PPARGC1A: variants seen among roughly 807,000 people sequenced by gnomAD.
PPARGC1A encodes the protein PPARG coactivator 1 alpha, also known as peroxisome proliferator-activated receptor gamma coactivator 1-alpha.
Under a neutral mutation model 88.7 loss-of-function variants are expected in PPARGC1A, and 25 were observed. That is an observed-to-expected ratio of 0.28 (90% confidence interval 0.21 to 0.39). PPARGC1A has a LOEUF of 0.39. Ranked by LOEUF, PPARGC1A falls within the 10% of genes least tolerant of loss-of-function variation. The pLI, the probability that PPARGC1A is intolerant of heterozygous loss-of-function variation, is 1.00. For synonymous variants in PPARGC1A, 363 were observed against 355.6 expected, an observed-to-expected ratio of 1.02 and a Z score of -0.24; for missense variants, 880 against 968.7, an observed-to-expected ratio of 0.91 and a Z score of 1.22.
the PPARGC1A span, among the ~76,000 whole-genome samples, chr4:24,367,768 T>A: frequency 6.6e-6 from 1 of 152,100 alleles, no homozygotes; most frequent in East Asian, 1.9e-4. Flanking sequence ...AGAGAAAAAA[T>A]AATAATAAGG....
intron 2 of PPARGC1A, among the ~76,000 whole-genome samples, chr4:23,834,161 G>A (rs975227865): frequency 2.8e-4 from 42 of 152,100 alleles, no homozygotes; most frequent in Non-Finnish European, 4.3e-4. Context: ...TTAGCCAGGC[G>A]TGGTGGCGGA....
At chr4:24,096,528 A>G in the PPARGC1A span, among the ~76,000 whole-genome samples, 2 of 151,840 alleles carry the variant, frequency 1.3e-5, no homozygotes, top group African/African-American at 4.8e-5. Flanking sequence ...ATTAAAAAAT[A>G]AAATAAATTT....
chr4:23,915,756 C>T, the PPARGC1A span, among the ~76,000 whole-genome samples: 1 of 152,142 alleles, frequency 6.6e-6, no homozygotes, highest in Non-Finnish European at 1.5e-5. Flanking sequence ...AAATAAATTA[C>T]ACCAGGCTAT....
the PPARGC1A span, among the ~76,000 whole-genome samples, chr4:24,315,943 G>C: frequency 3.9e-5 from 6 of 152,208 alleles, no homozygotes; most frequent in Non-Finnish European, 7.3e-5. Flanking sequence ...ATAAAGGATA[G>C]TTCCTATCCA....
the PPARGC1A span, among the ~76,000 whole-genome samples, chr4:24,388,548 T>C: frequency 6.6e-6 from 1 of 152,236 alleles, no homozygotes; most frequent in East Asian, 1.9e-4. Context: ...CACTTCACAA[T>C]AGCAAAAACT....
At chr4:24,359,207 T>C in the PPARGC1A span, among the ~76,000 whole-genome samples, 1 of 152,184 alleles carries the variant, frequency 6.6e-6, no homozygotes, top group African/African-American at 2.4e-5. Flanking sequence ...AAGCAAGAGA[T>C]ATACAAAATC....
intron 2 of PPARGC1A, among the ~76,000 whole-genome samples, chr4:23,846,451 C>T (rs1037410506): frequency 6.6e-6 from 1 of 152,200 alleles, no homozygotes; most frequent in Non-Finnish European, 1.5e-5. Flanking sequence ...GTGGCAAAGA[C>T]TCTGTCTCTT....
the PPARGC1A span, among the ~76,000 whole-genome samples, chr4:24,076,923 A>G: frequency 6.6e-5 from 10 of 152,118 alleles, no homozygotes; most frequent in East Asian, 1.2e-3. Context: ...TGAACTATGG[A>G]GTGTGTCATT....
the PPARGC1A span, among the ~76,000 whole-genome samples, chr4:24,274,471 G>A: frequency 1.3e-5 from 2 of 152,218 alleles, no homozygotes; most frequent in Non-Finnish European, 2.9e-5. Context: ...TTCTGCTGTT[G>A]TAGTAGAGAA....
chr4:24,022,728 G>A, the PPARGC1A span, among the ~76,000 whole-genome samples: 16 of 152,284 alleles, frequency 1.1e-4, no homozygotes, highest in African/African-American at 2.4e-4. Context: ...GATAGGGATC[G>A]GGTCCCAGCC....
At chr4:24,046,430 A>G in the PPARGC1A span, among the ~76,000 whole-genome samples, 1 of 151,936 alleles carries the variant, frequency 6.6e-6, no homozygotes, top group Admixed American at 6.6e-5. Flanking sequence ...CACTCCCACT[A>G]CCACTTCTTT....
chr4:24,130,639 C>T, the PPARGC1A span, among the ~76,000 whole-genome samples: 11,148 of 152,188 alleles, frequency 0.073, 528 homozygotes, highest in Non-Finnish European at 0.11. Context: ...TAGAAACCGC[C>T]CCACCAAGCT....
intron 12 of PPARGC1A, among the ~76,000 whole-genome samples, chr4:23,798,513 C>T (rs970303032): frequency 5.3e-5 from 8 of 152,048 alleles, no homozygotes; most frequent in East Asian, 1.9e-4. Flanking sequence ...CATAAAGTTA[C>T]GTGTATAATC....
the PPARGC1A span, among the ~76,000 whole-genome samples, chr4:24,411,231 C>T: frequency 2.6e-4 from 40 of 152,132 alleles, no homozygotes; most frequent in Non-Finnish European, 4.1e-4. Context: ...GAAGAGAAGC[C>T]GACTGTCCTG....
chr4:24,437,591 TTTTTTGTTGTTG>T, the PPARGC1A span, among the ~76,000 whole-genome samples: 32 of 127,808 alleles, frequency 2.5e-4, no homozygotes, highest in East Asian at 8.3e-4. Context: ...AAGGCACAGG[TTTTTTGTTGTTG>T]TTGTTGTTGT....
At chr4:24,225,394 C>A in the PPARGC1A span, among the ~76,000 whole-genome samples, 1 of 151,958 alleles carries the variant, frequency 6.6e-6, no homozygotes, top group Non-Finnish European at 1.5e-5. Flanking sequence ...ACGGTGAAAC[C>A]CCGTCTCTAC....
At chr4:24,412,452 T>A in the PPARGC1A span, among the ~76,000 whole-genome samples, 1 of 152,278 alleles carries the variant, frequency 6.6e-6, no homozygotes, top group South Asian at 2.1e-4. Context: ...GGAATTCAAA[T>A]TCCATTGTTG....
the PPARGC1A span, among the ~76,000 whole-genome samples, chr4:24,216,373 C>T: frequency 1.3e-5 from 2 of 152,074 alleles, no homozygotes. Context: ...GTCTCAAACA[C>T]CTGGGCTCAA....
chr4:24,159,204 ACCT>A, the PPARGC1A span, among the ~76,000 whole-genome samples: 1 of 142,450 alleles, frequency 7.0e-6, no homozygotes, highest in Non-Finnish European at 1.5e-5. Context: ...AAGGAAATTA[ACCT>A]TTTTTTTTTT....
Sources: allele counts gnomAD v4.1 joint callset (sites outside exome capture counted in the v4.1 genomes callset), GRCh38; gene constraint gnomAD v4.1.1; transcripts MANE v1.5; gene names NCBI Gene and HGNC (gene_info 2026-07-23, HGNC 2026-07-21).